SART3: variants seen among roughly 807,000 people sequenced by gnomAD.
The protein encoded by SART3 is HIV-1 Tat-interacting protein of 110kDa.
Under a neutral mutation model 122.3 loss-of-function variants are expected in SART3, and 44 were observed. The ratio of observed to expected loss-of-function variants is 0.36; its 90% confidence interval spans 0.28 to 0.46. The LOEUF (loss-of-function observed/expected upper bound fraction) is 0.46, where lower values mean the gene tolerates loss of function less well. Among genes scored for constraint, SART3 ranks in the 20% least tolerant of loss-of-function variants. The pLI is 1.00. For synonymous variants in SART3, 442 were observed against 454.0 expected (o/e 0.97, Z 0.34); for missense variants, 1,101 against 1,229.0 (o/e 0.90, Z 1.56).
intron 1 of SART3, among the ~76,000 whole-genome samples, chr12:108,558,657 C>T (rs1242317380): frequency 6.6e-6 from 1 of 152,206 alleles, no homozygotes; most frequent in Non-Finnish European, 1.5e-5. Flanking sequence ...TCAACAAGGG[C>T]AGGGACACAG....
intron 1 of SART3, among the ~76,000 whole-genome samples, chr12:108,558,599 G>A (rs1431377048): frequency 6.6e-6 from 1 of 152,168 alleles, no homozygotes; most frequent in East Asian, 1.9e-4. Flanking sequence ...CCACCTCACA[G>A]AATAGGCTCA....
rs756991733 is a variant in SART3, at chr12:108,530,142, C to T, written c.1915G>A (p.Glu639Lys). The T allele has an allele frequency of 3.1e-5, 50 of 1,613,960 alleles. No homozygotes were observed. The highest frequency in any genetic ancestry group is 1.7e-4 in the Admixed American group (10 of 59,996). ...ACACAATTTCTCAAGAGCTCCTTAC[C>T]TTCTTCATCATCGCCCCACTCTTTC... ...DEKEWGDDEE[E>K]QPSKRRRVEN... The change falls in exon 15 of 19, where the codon GAG (glutamate) becomes AAG (lysine). Residue 639 changes from glutamate (E) to lysine (K), a missense_variant and splice_region_variant. Coordinates refer to ENST00000546815, the MANE Select transcript of SART3 (RefSeq NM_014706.4).
intron 1 of SART3, 157 bp downstream of exon 1, chr12:108,560,686 A>G (rs563839367): frequency 1.7e-6 from 1 of 605,622 alleles, no homozygotes; most frequent in South Asian, 2.2e-5. Context: ...ATGGGCAGGC[A>G]GTAAGCACTC....
chr12:108,523,469 A>C lies in SART3; in HGVS notation c.2880T>G (p.Phe960Leu), dbSNP rs758455328. 6.2e-7 allele frequency: 1 copy of C among 1,612,474 alleles called. No homozygotes were observed. Among genetic ancestry groups the C allele is most frequent in the Admixed American group, 1.7e-5 (1 of 60,014 alleles). ...KMSNADFAKLFLRK is the reference protein window; with the variant it reads ...KMSNADFAKLLLRK ...CCCAGCGTCCCGTTCACTTTCTCAG[A>C]AACAGCTTGGCAAAATCGGCATTGG... The change falls in exon 19 of 19, where the codon TTT becomes TTG. Residue 960 changes from phenylalanine to leucine, a missense_variant. Phe to Leu is a conservative substitution (Grantham distance 22). Around this residue, in one of 2 missense-constraint regions of SART3, gnomAD observed 885 missense variants for 1,080.1 expected, o/e 0.82. Transcript: ENST00000546815.
At chr12:108,545,346 T>C (rs758556948) in intron 3 of SART3, 23 bp from the exon 4 acceptor site, 3 of 1,611,858 alleles carry the variant, frequency 1.9e-6, no homozygotes, top group African/African-American at 1.3e-5. Context: ...AGTGTTCAAT[T>C]AGTTTGGGAT....
At chr12:108,556,622 C>T (rs985933650) in intron 1 of SART3, among the ~76,000 whole-genome samples, 2 of 152,206 alleles carry the variant, frequency 1.3e-5, no homozygotes, top group African/African-American at 4.8e-5. Context: ...GTGTTCTAAT[C>T]CCCACTTGTT....
rs1403694350 is a variant in SART3 at position 108,524,651 on chromosome 12, C to A, written c.2524-145G>T. The A allele has an allele frequency of 5.6e-6, 4 of 712,490 alleles. No homozygotes were observed. In the Admixed American group the frequency reaches 8.4e-5, roughly 15 times the overall value. The allele number at this position is 712,490 out of a possible 1,614,324, so 44.1% of individuals were successfully genotyped here. ...CCCACCAACAGGTTACCTTCCCCAC[C>A]ACCGCATCCTCTGTCTACAGGCTTA... On this transcript the variant is annotated intron_variant, in intron 17 of 18. Coordinates refer to ENST00000546815, the MANE Select transcript of SART3 (RefSeq NM_014706.4).
At chr12:108,530,048 G>T in intron 15 of SART3, 94 bp downstream of exon 15, 1 of 1,405,276 alleles carries the variant, frequency 7.1e-7, no homozygotes, top group Non-Finnish European at 1.0e-6. Flanking sequence ...GTATCAAGCT[G>T]GTAACGGTTC....
Position 108,561,168 on chromosome 12 carries a change from T to C in SART3, c.-14A>G, listed in dbSNP as rs745813895. ...CGCAGTCGCCATCTTGCGCTTCTAA[T>C]GACTCTCGGGTCTTCCCGCGGCCGC... On this transcript the variant is annotated 5_prime_UTR_variant, in exon 1 of 19. Transcript: ENST00000546815. 1 of 1,612,124 alleles carries C rather than the reference T, an allele frequency of 6.2e-7. No individual in the cohort carries two copies. Among genetic ancestry groups the C allele is most frequent in the South Asian group, 1.1e-5 (1 of 91,030 alleles).
chr12:108,530,726 C>G (rs894768680), intron 14 of SART3, among the ~76,000 whole-genome samples: 1 of 152,082 alleles, frequency 6.6e-6, no homozygotes, highest in Non-Finnish European at 1.5e-5. Flanking sequence ...GGTGTGGTAG[C>G]GGGCACCTGT....
chr12:108,522,331 C>T lies in SART3; in HGVS notation c.*1126G>A, dbSNP rs527509713. Reference sequence around the variant, plus strand: ...ACTGATGCACAAAAACTTAAACTTACGCAACAGATAAATGAGGAGTTGATT... The same window carrying T: ...ACTGATGCACAAAAACTTAAACTTATGCAACAGATAAATGAGGAGTTGATT... On this transcript the variant is annotated 3_prime_UTR_variant, in exon 19 of 19. Coordinates refer to ENST00000546815, the MANE Select transcript of SART3 (RefSeq NM_014706.4). Among the ~76,000 whole-genome samples, 1 of 152,278 alleles carries T rather than the reference C, an allele frequency of 6.6e-6. No homozygotes were observed. Among genetic ancestry groups the T allele is most frequent in the South Asian group, 2.1e-4 (1 of 4,830 alleles).
At position 108,545,302 on chromosome 12, in the gene SART3, T is replaced by C. The variant is rs1290230592; in HGVS notation, c.566A>G (p.Tyr189Cys). ...DYICPNIWLE[Y>C]GQYSVGGIGQ... The stretch of plus-strand genomic sequence containing the variant: ...AATCCCACCAACTGAGTACTGGCCA[T>C]ACTCTAGCCAAATGTTAGGACCTAA... Residue 189 changes from tyrosine to cysteine, a missense_variant, in exon 4 of 19, where the codon TAT (tyrosine) becomes TGT (cysteine). By Grantham distance (194) the Tyr-to-Cys change is radical. Coordinates refer to ENST00000546815, the MANE Select transcript of SART3 (RefSeq NM_014706.4). 6.2e-7 allele frequency: 1 copy of C among 1,613,898 alleles called. No homozygotes were observed. Among genetic ancestry groups the C allele is most frequent in the Non-Finnish European group, 8.5e-7 (1 of 1,179,814 alleles).
chr12:108,528,833 G>A lies in SART3; in HGVS notation c.1915+1309C>T, dbSNP rs145677210. ...AAGTTTCTCAAGGTCAGAGAAGGGC[G>A]TGACACAGCTGGGCACAGTGGCTCA... On this transcript the variant is annotated intron_variant, in intron 15 of 18. Coordinates refer to ENST00000546815, the MANE Select transcript of SART3 (RefSeq NM_014706.4). 3.9e-3 allele frequency among the ~76,000 whole-genome samples: 597 copies of A among 152,168 alleles called. 5 individuals are homozygous for A. Among genetic ancestry groups the A allele is most frequent in the Non-Finnish European group, 6.2e-3 (425 of 68,008 alleles).
chr12:108,530,607 A>G (rs1872635413), intron 14 of SART3, among the ~76,000 whole-genome samples: 1 of 152,338 alleles, frequency 6.6e-6, no homozygotes, highest in East Asian at 1.9e-4. Flanking sequence ...CTGTAATCCC[A>G]GCACTTTGGG....
intron 6 of SART3, among the ~76,000 whole-genome samples, chr12:108,541,796 C>T (rs1267259646): frequency 1.3e-5 from 2 of 152,012 alleles, no homozygotes; most frequent in Non-Finnish European, 2.9e-5. Context: ...CCTTGGGCTC[C>T]GAAAGTGCTG....
intron 1 of SART3, among the ~76,000 whole-genome samples, chr12:108,558,426 G>A (rs1478604275): frequency 2.0e-5 from 3 of 152,210 alleles, no homozygotes; most frequent in Non-Finnish European, 4.4e-5. Flanking sequence ...CCTATCCTGT[G>A]TGGTCCATTC....
chr12:108,546,726 G>T (rs1322912054), intron 3 of SART3, among the ~76,000 whole-genome samples: 1 of 151,910 alleles, frequency 6.6e-6, no homozygotes, highest in Non-Finnish European at 1.5e-5. Flanking sequence ...TCCCCATGTT[G>T]GGCAGGCTGA....
At chr12:108,531,960 T>C (rs1002049605) in intron 13 of SART3, 2 of 438,566 alleles carry the variant, frequency 4.6e-6, no homozygotes, top group Non-Finnish European at 8.6e-6. Context: ...CCCCTAAACA[T>C]TGTATAACGC....
At chr12:108,528,691 G>A (rs1872513869) in intron 15 of SART3, among the ~76,000 whole-genome samples, 1 of 152,130 alleles carries the variant, frequency 6.6e-6, no homozygotes, top group Non-Finnish European at 1.5e-5. Flanking sequence ...CCCGGGTGTG[G>A]GAGACCAAAC....
Sources: allele counts gnomAD v4.1 joint callset (sites outside exome capture counted in the v4.1 genomes callset), GRCh38; gene constraint gnomAD v4.1.1; regional missense constraint gnomAD v4.1.1; transcripts MANE v1.5; gene names NCBI Gene and HGNC (gene_info 2026-07-23, HGNC 2026-07-21).